DNAH2: variants seen among roughly 807,000 people sequenced by gnomAD.
The protein encoded by DNAH2 is dynein axonemal heavy chain 2, also known as axonemal beta dynein heavy chain 2.
In DNAH2, 323 loss-of-function variants were observed where a neutral mutation model predicts 523.5. The ratio of observed to expected loss-of-function variants is 0.62; its 90% CI spans 0.56 to 0.68. DNAH2 has a LOEUF of 0.68. Among genes scored for constraint, DNAH2 ranks in the 30% least tolerant of loss-of-function variants. The pLI, the probability that DNAH2 is intolerant of heterozygous loss-of-function variation, is 0.00. For missense variants in DNAH2, 4,907 were observed against 5,701.5 expected, an observed-to-expected ratio of 0.86 and a Z score of 4.49; for synonymous variants, 2,093 against 2,177.4, an observed-to-expected ratio of 0.96 and a Z score of 1.08.
Position 7,832,473 on chromosome 17 carries a change from C to T in DNAH2, c.12727-106C>T. 2.2e-6 allele frequency: 3 copies of T among 1,357,744 alleles called. No homozygotes were observed. The highest frequency in any genetic ancestry group is 3.0e-6 in the Non-Finnish European group (3 of 985,114). 84.1% of individuals were successfully genotyped at this position (1,357,744 alleles called of 1,614,324 possible). ...GCAGTGAGCCAAGATCGTACCACTG[C>T]ACTCCAGCCTGGGGGACAAGAGCAA... On this transcript the variant is annotated intron_variant, in intron 82 of 85. Transcript: ENST00000572933. This position sits in a 1 kb window ranked among gnomAD's most constrained non-coding sequence, Gnocchi z 4.3.
rs1491026051 is a variant in DNAH2, at chr17:7,793,449, T to TTTC, written c.7569+245_7569+246insTCT. On this transcript the variant is annotated intron_variant, in intron 48 of 85. Transcript: ENST00000572933. Reference sequence around the variant, plus strand: ...CTGCTTGCTTTTTCTTTCTTTCTTTTTCTTTCTTTCTTTCTTTCTTTCTTT... The same window carrying TTTC: ...CTGCTTGCTTTTTCTTTCTTTCTTTTTTCTCTTTCTTTCTTTCTTTCTTTCTTT... Among the ~76,000 whole-genome samples the TTTC allele has an allele frequency of 7.4e-3, 399 of 53,566 alleles. 7 individuals carry two copies. The highest frequency in any genetic ancestry group is 0.021 in the South Asian group (31 of 1,458). The allele number at this position is 53,566 out of a possible 152,430, so 35.1% of individuals were successfully genotyped here.
chr17:7,746,808 G>A (rs2075528549), intron 12 of DNAH2, among the ~76,000 whole-genome samples: 1 of 152,112 alleles, frequency 6.6e-6, no homozygotes, highest in South Asian at 2.1e-4. Flanking sequence ...CCAACATGGT[G>A]AAACCCCGTC....
rs755622992 is a variant in DNAH2, at chr17:7,823,427, C to T, written c.11143-15C>T. 5 of 1,612,104 alleles carry T rather than the reference C, an allele frequency of 3.1e-6. No individual in the cohort carries two copies. The highest frequency in any genetic ancestry group is 4.2e-6 in the Non-Finnish European group (5 of 1,179,310). On this transcript the variant is annotated splice_polypyrimidine_tract_variant and intron_variant, in intron 73 of 85. Coordinates refer to ENST00000572933, the MANE Select transcript of DNAH2 (RefSeq NM_020877.5). Reference sequence around the variant, plus strand: ...TCCCAAGTCAATCCCTTTCTTCCTCCCCTTCTCCCACCAGGTCTTGGATCG... The same window carrying T: ...TCCCAAGTCAATCCCTTTCTTCCTCTCCTTCTCCCACCAGGTCTTGGATCG...
At position 7,780,472 on chromosome 17, in the gene DNAH2, A is replaced by G. The variant is rs2076573175; in HGVS notation, c.5851-158A>G. The stretch of plus-strand genomic sequence containing the variant: ...CTCCTCCGTGATATCACTAACTGAC[A>G]ATGGCGTCATTCACACAATTTCCTC... On this transcript the variant is annotated intron_variant, in intron 37 of 85. Coordinates refer to ENST00000572933, the MANE Select transcript of DNAH2 (RefSeq NM_020877.5). This position sits in a 1 kb window ranked among gnomAD's most constrained non-coding sequence, Gnocchi z 4.4. 6.6e-6 allele frequency among the ~76,000 whole-genome samples: 1 copy of G among 152,206 alleles called. No homozygotes were observed. Among genetic ancestry groups the G allele is most frequent in the South Asian group, 2.1e-4 (1 of 4,836 alleles).
Position 7,770,539 on chromosome 17 carries a change from C to G in DNAH2, c.4099-18C>G. ...GAAGAGATACCTGACTGCTGTGTCCCCCAATTTCTCTCCACAGGCTTTACA... is the reference window on the plus strand; with the variant it reads ...GAAGAGATACCTGACTGCTGTGTCCGCCAATTTCTCTCCACAGGCTTTACA... On this transcript the variant is annotated intron_variant, in intron 25 of 85. Transcript: ENST00000572933. The G allele has an allele frequency of 3.7e-6, 6 of 1,613,910 alleles. No homozygotes were observed. The highest frequency in any genetic ancestry group is 5.1e-6 in the Non-Finnish European group (6 of 1,179,854).
Position 7,823,882 on chromosome 17 carries a change from G to C in DNAH2, c.11378G>C (p.Arg3793Pro). ...GAAATGCAACGGATGCTGATCGTTC[G>C]CTCCCTGCGCCAGGACCGCGTGGCC... is the stretch of plus-strand genomic sequence containing the variant. ...CNEMQRMLIV[R>P]SLRQDRVAFC... The change falls in exon 75 of 86, where the codon CGC becomes CCC. Residue 3793 changes from arginine (R) to proline (P), a missense_variant. Arg to Pro is a moderately radical substitution (Grantham distance 103, BLOSUM62 -2). Coordinates refer to ENST00000572933, the MANE Select transcript of DNAH2 (RefSeq NM_020877.5). The C allele has an allele frequency of 6.2e-7, 1 of 1,614,084 alleles. No homozygotes were observed.
intron 63 of DNAH2, 136 bp from the exon 64 acceptor site, chr17:7,816,435 G>T: frequency 1.0e-6 from 1 of 997,320 alleles, no homozygotes; most frequent in Non-Finnish European, 1.5e-6. Flanking sequence ...TTTACAACAT[G>T]AGGAAACTAG....
At chr17:7,765,715 G>A (rs997197820) in intron 21 of DNAH2, 150 bp downstream of exon 21, 4 of 824,956 alleles carry the variant, frequency 4.8e-6, no homozygotes, top group Non-Finnish European at 7.6e-6. Context: ...AGCAAAGGAG[G>A]AGGACACTCA....
intron 58 of DNAH2, among the ~76,000 whole-genome samples, 160 bp downstream of exon 58, chr17:7,802,177 T>C (rs2077241719): frequency 6.6e-6 from 1 of 152,184 alleles, no homozygotes. Flanking sequence ...GGAGGGGCTG[T>C]CTCCAGAGCC....
Position 7,767,858 on chromosome 17 carries a change from G to A in DNAH2, c.3676-42G>A, listed in dbSNP as rs749328054. On this transcript the variant is annotated intron_variant, in intron 22 of 85. Transcript: ENST00000572933. ...CCTGGGCGTCCGTCAGGGAGGAAGA[G>A]GGCAGGTGCCACTTCATGCAACGCG... The A allele has an allele frequency of 5.6e-6, 9 of 1,612,064 alleles. No homozygotes were observed. The East Asian group carries it at 1.8e-4, about 32-fold the overall frequency.
chr17:7,777,969 C>T, intron 33 of DNAH2, 108 bp from the exon 34 acceptor site: 3 of 1,066,406 alleles, frequency 2.8e-6, no homozygotes, highest in Non-Finnish European at 4.2e-6. Context: ...CCCCTGATCC[C>T]TTCACTGCAG....
Position 7,831,824 on chromosome 17 carries a change from C to A in DNAH2, c.12726+49C>A. On this transcript the variant is annotated intron_variant, in intron 82 of 85. Transcript: ENST00000572933. This position sits in a 1 kb window ranked among gnomAD's most constrained non-coding sequence, Gnocchi z 4.2. Reference sequence around the variant, plus strand: ...CTTCTCCAACAATGAGCTCCCCTCTCAATCCTGGGCCCCCCAATCTCCTGG... The same window carrying A: ...CTTCTCCAACAATGAGCTCCCCTCTAAATCCTGGGCCCCCCAATCTCCTGG... 6.5e-7 allele frequency: 1 copy of A among 1,528,114 alleles called. No homozygotes were observed. The highest frequency in any genetic ancestry group is 1.2e-5 in the South Asian group (1 of 85,652). The allele number at this position is 1,528,114 out of a possible 1,614,324, so 94.7% of individuals were successfully genotyped here.
In DNAH2 at chr17:7,807,046, A is replaced by T. The variant is rs1305031895; in HGVS notation, c.9443-104A>T. The T allele has an allele frequency of 5.7e-6, 8 of 1,414,792 alleles. No homozygotes were observed. Among genetic ancestry groups the T allele is most frequent in the Non-Finnish European group, 7.7e-6 (8 of 1,045,276 alleles). The allele number at this position is 1,414,792 out of a possible 1,614,324, so 87.6% of individuals were successfully genotyped here. ...TCAGATAATTTGGCCTTAGGAACTG[A>T]GCCCAGGAAAAATGTGGCTATGCGT... On this transcript the variant is annotated intron_variant, in intron 61 of 85. Coordinates refer to ENST00000572933, the MANE Select transcript of DNAH2 (RefSeq NM_020877.5). This position sits in a 1 kb window ranked among gnomAD's most constrained non-coding sequence, Gnocchi z 5.6.
chr17:7,739,748 T>A lies in DNAH2; in HGVS notation c.1186T>A (p.Tyr396Asn). ...SLFRKVCDCQYHFARWEDGKQ... is the reference protein window; with the variant it reads ...SLFRKVCDCQNHFARWEDGKQ... ...TCTTTTTTAGGTATGTGACTGTCAG[T>A]ATCACTTCGCCCGCTGGGAAGATGG... is the stretch of plus-strand genomic sequence containing the variant. Residue 396 changes from tyrosine (Y) to asparagine (N), a missense_variant, in exon 9 of 86, where the codon TAT (tyrosine) becomes AAT (asparagine). Around this residue, in one of 3 missense-constraint regions of DNAH2, gnomAD observed 2,806 missense variants for 3,190.8 expected, o/e 0.88. Transcript: ENST00000572933. 1 of 1,613,182 alleles carries A rather than the reference T, an allele frequency of 6.2e-7. No homozygotes were observed. The highest frequency in any genetic ancestry group is 8.5e-7 in the Non-Finnish European group (1 of 1,179,994).
At chr17:7,818,896 TG>T in intron 70 of DNAH2, 22 bp from the exon 71 acceptor site, 1 of 1,609,218 alleles carries the variant, frequency 6.2e-7, no homozygotes, top group Non-Finnish European at 8.5e-7. Context: ...CCTTGCTCCA[TG>T]TGCCTCTGGG....
At chr17:7,805,202 T>C (rs188537364) in intron 60 of DNAH2, 50 bp from the exon 61 acceptor site, 2 of 1,606,078 alleles carry the variant, frequency 1.2e-6, no homozygotes, top group African/African-American at 1.3e-5. Flanking sequence ...AGCTAGGTTC[T>C]GTCTCCAGAA....
chr17:7,777,404 C>T, intron 32 of DNAH2, 42 bp from the exon 33 acceptor site: 1 of 1,608,880 alleles, frequency 6.2e-7, no homozygotes, highest in Non-Finnish European at 8.5e-7. Context: ...GCTTTGGCGG[C>T]ATTGCTCTGT....
chr17:7,731,732 T>TA (rs931924589), intron 4 of DNAH2, among the ~76,000 whole-genome samples: 19 of 152,018 alleles, frequency 1.2e-4, no homozygotes, highest in African/African-American at 4.3e-4. Flanking sequence ...GTTAAACTTT[T>TA]AAAAAAATGG....
rs2074489049 is a variant in DNAH2 at position 7,718,466 on chromosome 17, AAG to A, written c.-343_-342del. 6.6e-6 allele frequency: 1 copy of A among 152,198 alleles called. No individual in the cohort carries two copies. Among genetic ancestry groups the A allele is most frequent in the Non-Finnish European group, 1.5e-5 (1 of 68,024 alleles). 9.4% of individuals were successfully genotyped at this position (152,198 alleles called of 1,614,324 possible). A position where few individuals can be genotyped will look rare whatever the true frequency, so the allele number is the denominator to read the frequency against. On this transcript the variant is annotated 5_prime_UTR_variant, in exon 1 of 86. An upstream open reading frame in the 5' UTR loses its in-frame stop. Transcript: ENST00000572933. ...TGCCGTTAGGCTGCAGCCTAATGAA[AAG>A]AGAGTGCCCAGCGCCTCAGACTTTG...
Sources: allele counts gnomAD v4.1 joint callset (sites outside exome capture counted in the v4.1 genomes callset), GRCh38; gene constraint gnomAD v4.1.1; regional missense constraint gnomAD v4.1.1; non-coding constraint Gnocchi (gnomAD v3.1); transcripts MANE v1.5; gene names NCBI Gene and HGNC (gene_info 2026-07-23, HGNC 2026-07-21).